Variants in CRYZL1 observed in about 807,000 individuals in gnomAD.
CRYZL1 encodes the protein crystallin zeta like 1.
CRYZL1 carries 34 observed loss-of-function variants against 50.6 expected under a neutral mutation model. The ratio of observed to expected loss-of-function variants is 0.67; its 90% confidence interval spans 0.51 to 0.89. The LOEUF is 0.89. CRYZL1 is among the 40% of genes least tolerant of loss of function. The probability of loss-of-function intolerance (pLI) is 0.00; values close to 1 mark genes in which losing one functional copy is unlikely to be tolerated. For synonymous variants in CRYZL1, 125 were observed against 134.3 expected, an observed-to-expected ratio of 0.93 and a Z score of 0.48; for missense variants, 354 against 402.3, an observed-to-expected ratio of 0.88 and a Z score of 1.03.
chr21:33,613,402 T>C, intron 6 of CRYZL1, 136 bp downstream of exon 6: 1 of 575,832 alleles, frequency 1.7e-6, no homozygotes, highest in Non-Finnish European at 3.0e-6. Context: ...CCAACATTTT[T>C]TACATACATG....
intron 2 of CRYZL1, among the ~76,000 whole-genome samples, chr21:33,630,722 A>G (rs2087127841): frequency 6.6e-6 from 1 of 152,256 alleles, no homozygotes; most frequent in Non-Finnish European, 1.5e-5. Flanking sequence ...TATTCACAAC[A>G]GCAAAGATAT....
At chr21:33,627,549 A>G (rs2087081786) in intron 2 of CRYZL1, among the ~76,000 whole-genome samples, 1 of 152,196 alleles carries the variant, frequency 6.6e-6, no homozygotes, top group Non-Finnish European at 1.5e-5. Context: ...CTTGCCACAA[A>G]TCTTTCTAAT....
At chr21:33,607,869 A>G (rs1329559410) in intron 6 of CRYZL1, among the ~76,000 whole-genome samples, 1 of 152,204 alleles carries the variant, frequency 6.6e-6, no homozygotes, top group Non-Finnish European at 1.5e-5. Context: ...AGATGCAGTC[A>G]GCATGCCTAG....
intron 11 of CRYZL1, chr21:33,595,467 T>A: frequency 7.3e-7 from 1 of 1,363,430 alleles, no homozygotes; most frequent in Non-Finnish European, 9.8e-7. Context: ...GTGTGATTCT[T>A]GCTCCGCCAC....
At chr21:33,595,278 T>C in intron 11 of CRYZL1, 1 of 1,003,334 alleles carries the variant, frequency 1.0e-6, no homozygotes, top group Non-Finnish European at 1.3e-6. Context: ...TATAAAACAC[T>C]CCACAAACTC....
chr21:33,592,346 G>A (rs796896956), intron 11 of CRYZL1, among the ~76,000 whole-genome samples: 51 of 151,638 alleles, frequency 3.4e-4, no homozygotes, highest in African/African-American at 1.1e-3. Flanking sequence ...TATGTTGCCC[G>A]GGCTGGTCTC....
At chr21:33,592,456 T>A (rs1257720052) in intron 11 of CRYZL1, among the ~76,000 whole-genome samples, 1 of 152,142 alleles carries the variant, frequency 6.6e-6, no homozygotes, top group Non-Finnish European at 1.5e-5. Context: ...TTTTGATCCT[T>A]GATTGGTTGA....
intron 9 of CRYZL1, among the ~76,000 whole-genome samples, chr21:33,597,856 C>T (rs902218620): frequency 3.9e-5 from 6 of 152,052 alleles, no homozygotes; most frequent in Admixed American, 6.6e-5. Context: ...CCTCGTGATC[C>T]GCCCGCCTCG....
Position 33,602,362 on chromosome 21 carries a change from A to G in CRYZL1, c.466-17T>C, listed in dbSNP as rs188111178. 7 of 1,219,396 alleles carry G rather than the reference A, an allele frequency of 5.7e-6. No homozygotes were observed. In the Admixed American group the frequency reaches 1.0e-4, roughly 18 times the overall value. 75.5% of individuals were successfully genotyped at this position (1,219,396 alleles called of 1,614,324 possible). A position where few individuals can be genotyped will look rare whatever the true frequency, so the allele number is the denominator to read the frequency against. ...ACCAAATGCCTGTGTAGAAAAAAATATACAGTGGGTGTATGGTTATAGAAC... is the reference window on the plus strand; with the variant it reads ...ACCAAATGCCTGTGTAGAAAAAAATGTACAGTGGGTGTATGGTTATAGAAC... On this transcript the variant is annotated splice_polypyrimidine_tract_variant and intron_variant, in intron 7 of 12. Coordinates refer to ENST00000381554, the MANE Select transcript of CRYZL1 (RefSeq NM_145858.3).
At chr21:33,590,323 C>A (rs2086631046) in intron 12 of CRYZL1, among the ~76,000 whole-genome samples, 1 of 152,022 alleles carries the variant, frequency 6.6e-6, no homozygotes, top group Non-Finnish European at 1.5e-5. Flanking sequence ...GGCCTCAAAT[C>A]TATTACTTTA....
At chr21:33,640,886 AAAG>A (rs1332948227) in intron 1 of CRYZL1, among the ~76,000 whole-genome samples, 5 of 152,230 alleles carry the variant, frequency 3.3e-5, no homozygotes, top group African/African-American at 9.7e-5. Flanking sequence ...AATACGAAGA[AAAG>A]AACGTAAAAT....
chr21:33,598,577 A>C (rs1053456972), intron 9 of CRYZL1, among the ~76,000 whole-genome samples: 1 of 152,192 alleles, frequency 6.6e-6, no homozygotes, highest in South Asian at 2.1e-4. Context: ...CAACTATCCA[A>C]TCGAAGGCAG....
chr21:33,615,141 CTTTTCTT>C (rs1392134340), intron 5 of CRYZL1, among the ~76,000 whole-genome samples: 1 of 140,174 alleles, frequency 7.1e-6, no homozygotes, highest in African/African-American at 2.6e-5. Context: ...TTTTTTCTTT[CTTTTCTT>C]TCTCTCTTTT....
Position 33,638,911 on chromosome 21 carries a change from G to C in CRYZL1, c.-7+2770C>G, listed in dbSNP as rs186043383. 7.2e-5 allele frequency among the ~76,000 whole-genome samples: 11 copies of C among 152,298 alleles called. No individual in the cohort carries two copies. In the East Asian group the frequency reaches 2.1e-3, roughly 29 times the overall value. On this transcript the variant is annotated intron_variant, in intron 1 of 12. Transcript: ENST00000381554. Reference sequence around the variant, plus strand: ...AGCAGATTCCAGAGTCAACTGAGTGGGACAGGTGGATCAAATGACCATTTA... The same window carrying C: ...AGCAGATTCCAGAGTCAACTGAGTGCGACAGGTGGATCAAATGACCATTTA...
chr21:33,613,734 A>G (rs2086897933), intron 5 of CRYZL1, 128 bp from the exon 6 acceptor site: 2 of 668,552 alleles, frequency 3.0e-6, no homozygotes, highest in Non-Finnish European at 5.3e-6. Context: ...AGTGTGGACA[A>G]GAAAAAATTC....
chr21:33,602,191 C>A, intron 8 of CRYZL1, 43 bp downstream of exon 8: 1 of 1,096,378 alleles, frequency 9.1e-7, no homozygotes, highest in Non-Finnish European at 1.4e-6. Flanking sequence ...GATTTTCCTT[C>A]AAAATTTCCT....
intron 1 of CRYZL1, among the ~76,000 whole-genome samples, chr21:33,638,636 AGGTGTTTTG>A (rs2087240113): frequency 6.6e-6 from 1 of 152,234 alleles, no homozygotes; most frequent in Non-Finnish European, 1.5e-5. Flanking sequence ...ATGAGTCCAC[AGGTGTTTTG>A]GGTGTTTTGC....
chr21:33,640,782 C>T (rs921405020), intron 1 of CRYZL1, among the ~76,000 whole-genome samples: 4 of 152,088 alleles, frequency 2.6e-5, no homozygotes, highest in African/African-American at 9.7e-5. Context: ...TGTGTCTAGT[C>T]GGAATTGAGA....
chr21:33,602,156 G>A (rs996400765), intron 8 of CRYZL1, 78 bp downstream of exon 8: 1 of 831,410 alleles, frequency 1.2e-6, no homozygotes, highest in Admixed American at 1.9e-5. Context: ...TTTGTACTTG[G>A]TTTTACAAGT....
Sources: allele counts gnomAD v4.1 joint callset (sites outside exome capture counted in the v4.1 genomes callset), GRCh38; gene constraint gnomAD v4.1.1; transcripts MANE v1.5; gene names NCBI Gene and HGNC (gene_info 2026-07-23, HGNC 2026-07-21).